Variants in CLASP2 observed in about 807,000 individuals in gnomAD.
CLASP2 encodes the protein cytoplasmic linker associated protein 2.
CLASP2 carries 47 observed loss-of-function variants against 194.4 expected under a neutral mutation model. That is an observed-to-expected ratio of 0.24 (90% CI 0.19 to 0.31). CLASP2 has a LOEUF of 0.31. Among genes scored for constraint, CLASP2 ranks in the 10% least tolerant of loss-of-function variants. The pLI is 1.00. For synonymous variants in CLASP2, 619 were observed against 633.5 expected, an observed-to-expected ratio of 0.98 and a Z score of 0.34; for missense variants, 1,445 against 1,823.6, an observed-to-expected ratio of 0.79 and a Z score of 3.78.
intron 31 of CLASP2, 99 bp downstream of exon 31, chr3:33,544,599 T>G: frequency 8.8e-7 from 1 of 1,131,318 alleles, no homozygotes; most frequent in Non-Finnish European, 1.2e-6. Context: ...ATGCAAAAAT[T>G]ATATATTAAG....
At chr3:33,501,918 C>G in intron 37 of CLASP2, 150 bp from the exon 38 acceptor site, 3 of 591,176 alleles carry the variant, frequency 5.1e-6, no homozygotes, top group Non-Finnish European at 9.1e-6. Context: ...TTAACCTTTT[C>G]AAGCATAGAC....
intron 7 of CLASP2, chr3:33,645,252 T>C (rs1376769381): frequency 6.5e-6 from 5 of 765,180 alleles, no homozygotes; most frequent in Non-Finnish European, 1.2e-5. Context: ...CGCCCTGCCT[T>C]ATTCCTTATA....
intron 37 of CLASP2, chr3:33,504,669 T>C (rs918717417): frequency 6.6e-6 from 1 of 152,214 alleles, no homozygotes; most frequent in African/African-American, 2.4e-5. Context: ...TTTCCACGGA[T>C]GGGGAAGGGT....
At chr3:33,622,387 T>C (rs890216864) in intron 10 of CLASP2, 107 bp from the exon 11 acceptor site, 58 of 803,538 alleles carry the variant, frequency 7.2e-5, no homozygotes, top group Non-Finnish European at 9.8e-5. Flanking sequence ...ATGAAACATA[T>C]ATAATGTTTC....
intron 34 of CLASP2, among the ~76,000 whole-genome samples, chr3:33,528,082 A>G (rs917899686): frequency 2.0e-5 from 3 of 152,198 alleles, no homozygotes; most frequent in Admixed American, 6.5e-5. Flanking sequence ...GACATCAAAA[A>G]GCTAATCCAC....
chr3:33,574,036 G>T (rs529207948), intron 24 of CLASP2, among the ~76,000 whole-genome samples: 25 of 152,136 alleles, frequency 1.6e-4, no homozygotes, highest in African/African-American at 5.3e-4. Flanking sequence ...AGATTCCTTT[G>T]ATTTCTTTAC....
intron 23 of CLASP2, among the ~76,000 whole-genome samples, chr3:33,578,439 T>A (rs1304690796): frequency 6.6e-6 from 1 of 152,096 alleles, no homozygotes; most frequent in Non-Finnish European, 1.5e-5. Context: ...ATAAAATACA[T>A]TACTTTAATT....
At chr3:33,543,149 G>C (rs747164642) in intron 32 of CLASP2, among the ~76,000 whole-genome samples, 1 of 152,176 alleles carries the variant, frequency 6.6e-6, no homozygotes, top group African/African-American at 2.4e-5. Context: ...GAGGCGGGCA[G>C]ATCACCTAAG....
intron 2 of CLASP2, among the ~76,000 whole-genome samples, chr3:33,695,620 T>C (rs1203127572): frequency 1.3e-5 from 2 of 152,010 alleles, no homozygotes; most frequent in Non-Finnish European, 2.9e-5. Flanking sequence ...TATACTGATA[T>C]TAGGAGGCAT....
intron 31 of CLASP2, among the ~76,000 whole-genome samples, chr3:33,544,214 C>T (rs1295093771): frequency 2.0e-5 from 3 of 152,082 alleles, no homozygotes; most frequent in Non-Finnish European, 4.4e-5. Context: ...TTACTCAGAA[C>T]TTACTTCTTC....
intron 23 of CLASP2, among the ~76,000 whole-genome samples, chr3:33,580,399 C>G (rs1365088756): frequency 6.6e-6 from 1 of 151,874 alleles, no homozygotes; most frequent in African/African-American, 2.4e-5. Flanking sequence ...CCCATCTCTA[C>G]TAAAAATAGA....
chr3:33,567,456 A>T (rs2062947912), intron 26 of CLASP2, among the ~76,000 whole-genome samples: 1 of 152,220 alleles, frequency 6.6e-6, no homozygotes, highest in Non-Finnish European at 1.5e-5. Flanking sequence ...ATGCCAATTC[A>T]AAGCATGCAC....
At chr3:33,545,301 ATTC>A (rs2058986775) in intron 30 of CLASP2, among the ~76,000 whole-genome samples, 2 of 152,318 alleles carry the variant, frequency 1.3e-5, no homozygotes, top group East Asian at 1.9e-4. Flanking sequence ...AAGTTATACA[ATTC>A]TTCTCCGCTT....
chr3:33,690,996 T>C (rs1241985457), intron 2 of CLASP2, among the ~76,000 whole-genome samples: 1 of 152,186 alleles, frequency 6.6e-6, no homozygotes, highest in Non-Finnish European at 1.5e-5. Flanking sequence ...TCCCTCAATA[T>C]GCACAGTTCA....
chr3:33,572,192 G>A (rs1276609661), intron 25 of CLASP2, among the ~76,000 whole-genome samples: 1 of 151,926 alleles, frequency 6.6e-6, no homozygotes, highest in African/African-American at 2.4e-5. Flanking sequence ...TATACTTACG[G>A]GCTAAAATCA....
At position 33,573,522 on chromosome 3, in the gene CLASP2, A is replaced by G. The variant is rs9311016; in HGVS notation, c.2455-168T>C. On this transcript the variant is annotated intron_variant, in intron 24 of 38. Transcript: ENST00000682230. ...GTATTTAGTTTTTCTTCAGAAAACA[A>G]GTTTTAGAAGTTAGTAGAAGGTAAA... 8.9e-3 allele frequency: 6,675 copies of G among 751,298 alleles called. 297 individuals carry two copies. In the African/African-American group the frequency reaches 0.099, roughly 11 times the overall value. The allele number at this position is 751,298 out of a possible 1,614,324, so 46.5% of individuals were successfully genotyped here.
intron 34 of CLASP2, among the ~76,000 whole-genome samples, chr3:33,534,002 A>T (rs776383387): frequency 6.6e-6 from 1 of 152,166 alleles, no homozygotes; most frequent in Non-Finnish European, 1.5e-5. Flanking sequence ...GGAGTGAGCC[A>T]CTGCGCCTGG....
At chr3:33,641,655 A>G (rs2081316902) in intron 8 of CLASP2, among the ~76,000 whole-genome samples, 1 of 152,028 alleles carries the variant, frequency 6.6e-6, no homozygotes, top group African/African-American at 2.4e-5. Flanking sequence ...TAAAAATTGC[A>G]TACAGCCCTA....
chr3:33,663,414 T>C, intron 7 of CLASP2, 31 bp downstream of exon 7: 1 of 1,579,412 alleles, frequency 6.3e-7, no homozygotes, highest in Non-Finnish European at 8.7e-7. Flanking sequence ...TAAATAGTCT[T>C]AGAAATGTTT....
Sources: gnomAD v4.1 joint callset for allele counts (sites outside exome capture counted in the v4.1 genomes callset) on GRCh38, gnomAD v4.1.1 for gene constraint, MANE v1.5 for transcripts, NCBI Gene and HGNC (gene_info 2026-07-23, HGNC 2026-07-21) for gene names.